FDFT1: variants seen among roughly 807,000 people sequenced by gnomAD.
The protein encoded by FDFT1 is squalene synthase.
In FDFT1, 68 loss-of-function variants were observed where a neutral mutation model predicts 46.8. The observed-to-expected ratio is 1.45, with a 90% CI of 1.19 to 1.78. The LOEUF (loss-of-function observed/expected upper bound fraction) is 1.78, where lower values mean the gene tolerates loss of function less well. Ranked by LOEUF, FDFT1 falls within the 40% of genes most tolerant of loss-of-function variation. The pLI is 0.00. For missense variants in FDFT1, 928 were observed against 524.4 expected, an observed-to-expected ratio of 1.77 and a Z score of -7.52; for synonymous variants, 351 against 185.1, an observed-to-expected ratio of 1.90 and a Z score of -7.28.
At chr8:11,809,617 A>T (rs760675204) in intron 2 of FDFT1, 50 bp from the exon 3 acceptor site, 1 of 1,511,922 alleles carries the variant, frequency 6.6e-7, no homozygotes, top group South Asian at 1.3e-5. Context: ...TAAAATAAAA[A>T]ATCTTTGGCT....
Position 11,830,393 on chromosome 8 carries a change from T to G in FDFT1, c.852T>G (p.Ser284Arg). Reference protein sequence around the residue: ...ITYLSRLRNQSVFNFCAIPQV... With the variant: ...ITYLSRLRNQRVFNFCAIPQV... ...ACCTTTCGAGACTCAGAAACCAGAG[T>G]GTGTTTAACTTCTGTGCTATTCCAC... The change falls in exon 6 of 8, where the codon AGT becomes AGG. Residue 284 changes from serine (S) to arginine (R), a missense_variant. Coordinates refer to ENST00000220584, the MANE Select transcript of FDFT1 (RefSeq NM_004462.5). 6.2e-7 allele frequency: 1 copy of G among 1,613,496 alleles called. No homozygotes were observed. The highest frequency in any genetic ancestry group is 1.3e-5 in the African/African-American group (1 of 74,916).
intron 1 of FDFT1, among the ~76,000 whole-genome samples, chr8:11,805,501 T>C (rs1394030348): frequency 1.3e-5 from 2 of 152,216 alleles, no homozygotes; most frequent in Admixed American, 6.5e-5. Context: ...CTTAAGTCTG[T>C]TATTAAGTCC....
At chr8:11,797,248 G>C (rs765565558), upstream of FDFT1, among the ~76,000 whole-genome samples, 1 of 152,146 alleles carries the variant, frequency 6.6e-6, no homozygotes, top group Admixed American at 6.5e-5. Context: ...CTCATTTTGA[G>C]TTCCTTGGAC....
At chr8:11,831,880 G>C (rs1730230292) in intron 7 of FDFT1, 2 of 495,624 alleles carry the variant, frequency 4.0e-6, no homozygotes, top group South Asian at 6.0e-5. Context: ...CTGGTGAGAG[G>C]AGATAAATGG....
chr8:11,816,128 C>G (rs1300777292), intron 3 of FDFT1, among the ~76,000 whole-genome samples: 1 of 152,186 alleles, frequency 6.6e-6, no homozygotes, highest in Non-Finnish European at 1.5e-5. Flanking sequence ...ATAGGGAATC[C>G]TTTCTCCATT....
rs1811915039 is a variant in FDFT1, at chr8:11,838,711, T to C, written c.*102T>C. The C allele has an allele frequency of 9.7e-6, 9 of 924,542 alleles. No individual in the cohort carries two copies. Among genetic ancestry groups the C allele is most frequent in the Non-Finnish European group, 1.4e-5 (8 of 576,838 alleles). The allele number at this position is 924,542 out of a possible 1,614,324, so 57.3% of individuals were successfully genotyped here. ...CTTTATTTTTTTCCTACTACTTTAA[T>C]CCCTAAAAGAACGCTGTGTGGCTGG... On this transcript the variant is annotated 3_prime_UTR_variant, in exon 8 of 8. Coordinates refer to ENST00000220584, the MANE Select transcript of FDFT1 (RefSeq NM_004462.5).
chr8:11,818,865 T>TA (rs1442368137), intron 3 of FDFT1, among the ~76,000 whole-genome samples: 1 of 152,248 alleles, frequency 6.6e-6, no homozygotes, highest in Non-Finnish European at 1.5e-5. Context: ...TTAAGGTTAA[T>TA]ATTGTTATGT....
At chr8:11,802,636 C>T (rs1806263920), upstream of FDFT1, 3 of 594,824 alleles carry the variant, frequency 5.0e-6, no homozygotes, top group South Asian at 1.9e-5. Flanking sequence ...GCCCACCCCA[C>T]GAGGCCGCAG....
chr8:11,814,435 G>A (rs1306604995), intron 3 of FDFT1, among the ~76,000 whole-genome samples: 5 of 151,782 alleles, frequency 3.3e-5, no homozygotes, highest in Non-Finnish European at 5.9e-5. Flanking sequence ...AATTTTAGGT[G>A]TATTCCGAGG....
intron 1 of FDFT1, among the ~76,000 whole-genome samples, chr8:11,805,892 C>A (rs1274946396): frequency 6.6e-6 from 1 of 152,182 alleles, no homozygotes; most frequent in Non-Finnish European, 1.5e-5. Context: ...CCTGTGAGAC[C>A]TTAAAGGGTT....
intron 1 of FDFT1, among the ~76,000 whole-genome samples, chr8:11,804,720 C>T (rs1787365056): frequency 2.0e-5 from 3 of 148,708 alleles, no homozygotes; most frequent in African/African-American, 4.9e-5. Context: ...AATTCTCCTG[C>T]CTCAGCCTGC....
chr8:11,821,151 AAAACTT>A (rs1162632429), intron 3 of FDFT1, among the ~76,000 whole-genome samples: 1 of 152,246 alleles, frequency 6.6e-6, no homozygotes, highest in Non-Finnish European at 1.5e-5. Flanking sequence ...TGTTCTCCCA[AAAACTT>A]AAACCCAGCT....
chr8:11,800,397 G>A (rs1213256934), upstream of FDFT1, among the ~76,000 whole-genome samples: 1 of 151,648 alleles, frequency 6.6e-6, no homozygotes, highest in African/African-American at 2.4e-5. Context: ...AAGGAGACAG[G>A]GTCATTTATA....
At chr8:11,827,972 T>A (rs1203856240) in intron 5 of FDFT1, among the ~76,000 whole-genome samples, 1 of 151,744 alleles carries the variant, frequency 6.6e-6, no homozygotes, top group Non-Finnish European at 1.5e-5. Context: ...GAAGCCCAGG[T>A]GAGTGGATCA....
chr8:11,828,791 T>C (rs1307909843), intron 5 of FDFT1, among the ~76,000 whole-genome samples: 1 of 152,256 alleles, frequency 6.6e-6, no homozygotes, highest in Admixed American at 6.5e-5. Flanking sequence ...TTGGCTTCTT[T>C]TGCTAGCATG....
chr8:11,825,702 A>T (rs989344690), intron 4 of FDFT1, among the ~76,000 whole-genome samples: 1 of 151,930 alleles, frequency 6.6e-6, no homozygotes, highest in Admixed American at 6.6e-5. Context: ...AAAAATAAAA[A>T]ATAAAAATAA....
chr8:11,829,684 C>T (rs192831000), intron 5 of FDFT1, among the ~76,000 whole-genome samples: 3 of 152,258 alleles, frequency 2.0e-5, no homozygotes, highest in African/African-American at 4.8e-5. Flanking sequence ...AGTTGTCCCT[C>T]GGGACATGCT....
intron 7 of FDFT1, among the ~76,000 whole-genome samples, chr8:11,832,571 A>AAAAAAAAAAAAAAAAAAAAAAC (rs1810961254): frequency 6.7e-6 from 1 of 149,142 alleles, no homozygotes; most frequent in Non-Finnish European, 1.5e-5. Flanking sequence ...AAAAAAAAAA[A>AAAAAAAAAAAAAAAAAAAAAAC]AAAAAGTCTT....
At chr8:11,829,418 C>T (rs1810465653) in intron 5 of FDFT1, among the ~76,000 whole-genome samples, 2 of 152,160 alleles carry the variant, frequency 1.3e-5, no homozygotes, top group African/African-American at 4.8e-5. Context: ...TATCAGGATC[C>T]AGGGAGGTGT....
Sources: gnomAD v4.1 joint callset for allele counts (sites outside exome capture counted in the v4.1 genomes callset) on GRCh38, gnomAD v4.1.1 for gene constraint, MANE v1.5 for transcripts, NCBI Gene and HGNC (gene_info 2026-07-23, HGNC 2026-07-21) for gene names.